Variants in MID1 observed in about 807,000 individuals in gnomAD.
MID1 encodes the protein midline 1.
A neutral mutation model predicts 40.4 loss-of-function variants in MID1; 7 were observed. The ratio of observed to expected loss-of-function variants is 0.17; its 90% CI spans 0.10 to 0.33. The LOEUF (loss-of-function observed/expected upper bound fraction) is 0.33. Ranked by LOEUF, MID1 falls within the 10% of genes least tolerant of loss-of-function variation. The pLI is 1.00. For synonymous variants in MID1, 229 were observed against 221.2 expected (o/e 1.04, Z -0.31); for missense variants, 367 against 558.5 (o/e 0.66, Z 3.46).
rs781232547 is a variant in MID1 at position 10,784,635 on chromosome X, G to A, written c.-187+48919C>T. Among the ~76,000 whole-genome samples, 8 of 108,668 alleles carry A rather than the reference G, an allele frequency of 7.4e-5. No individual in the cohort carries two copies. In the East Asian group the frequency reaches 1.7e-3, roughly 24 times the overall value. The allele number at this position is 108,668 out of a possible 115,157, so 94.4% of individuals were successfully genotyped here. ...TAATTTTTGTATTTTTAGTAGAGACGGGGTTTCACCATATTGACCAGGCTG... is the reference window on the plus strand; with the variant it reads ...TAATTTTTGTATTTTTAGTAGAGACAGGGTTTCACCATATTGACCAGGCTG... On this transcript the variant is annotated intron_variant, in intron 1 of 10. Coordinates refer to the MID1 transcript ENST00000380785.
intron 1 of MID1, among the ~76,000 whole-genome samples, chrX:10,707,247 A>T (rs539021645): frequency 5.3e-4 from 60 of 112,181 alleles, no homozygotes; most frequent in African/African-American, 1.7e-3. Flanking sequence ...CAACAATCTT[A>T]TGGCTCTGCC....
At chrX:10,712,289 C>T (rs1037044564) in intron 1 of MID1, among the ~76,000 whole-genome samples, 21 of 111,038 alleles carry the variant, frequency 1.9e-4, no homozygotes, top group African/African-American at 6.2e-4. Context: ...ACACCTGAGG[C>T]TGATGATCAG....
intron 1 of MID1, among the ~76,000 whole-genome samples, chrX:10,739,738 A>G (rs1367412042): frequency 8.9e-6 from 1 of 112,054 alleles, no homozygotes; most frequent in Admixed American, 9.5e-5. Context: ...GATTTTAAAA[A>G]TAACTGGGAA....
chrX:10,622,208 G>A (rs955005591), upstream of MID1, among the ~76,000 whole-genome samples: 4 of 110,165 alleles, frequency 3.6e-5, no homozygotes, highest in African/African-American at 1.3e-4. Context: ...GAAATATTGC[G>A]TCTATCCCAG....
chrX:10,733,380 C>T (rs1052960922), intron 1 of MID1, among the ~76,000 whole-genome samples: 1 of 111,789 alleles, frequency 8.9e-6, no homozygotes, highest in Admixed American at 9.5e-5. Context: ...AGGCAAACAT[C>T]TCACAACCAT....
In MID1 at chrX:10,712,987, C is replaced by T. The variant is rs1222339362; in HGVS notation, c.-186-92568G>A. Among the ~76,000 whole-genome samples, 7 of 111,093 alleles carry T rather than the reference C, an allele frequency of 6.3e-5. No homozygotes were observed. In the East Asian group the frequency reaches 2.0e-3, roughly 32 times the overall value. ...GAGTAGCTGGGGTTAAAGGCACGTG[C>T]CACCACACCCGGCTAATTTTTGTAT... On this transcript the variant is annotated intron_variant, in intron 1 of 10. Transcript: ENST00000380785.
intron 6 of MID1, among the ~76,000 whole-genome samples, chrX:10,473,236 T>C (rs1236491163): frequency 1.8e-5 from 2 of 112,863 alleles, no homozygotes; most frequent in Non-Finnish European, 3.7e-5. Flanking sequence ...GAAAGTTTTA[T>C]TGGATAGTGT....
chrX:10,818,132 G>A (rs2044152338), intron 1 of MID1, among the ~76,000 whole-genome samples: 1 of 112,175 alleles, frequency 8.9e-6, no homozygotes, highest in Admixed American at 9.4e-5. Flanking sequence ...TCTGATCCAA[G>A]AGTACATACA....
intron 6 of MID1, among the ~76,000 whole-genome samples, chrX:10,473,052 G>A (rs905724563): frequency 1.8e-5 from 2 of 112,733 alleles, no homozygotes; most frequent in Non-Finnish European, 3.7e-5. Flanking sequence ...GTCTAGACCT[G>A]CACTGTTCAA....
intron 1 of MID1, among the ~76,000 whole-genome samples, chrX:10,587,254 A>T (rs773695076): frequency 8.9e-5 from 10 of 112,902 alleles, no homozygotes. Flanking sequence ...AGTGCCCAGT[A>T]AAGGTCCACC....
At chrX:10,590,217 G>C (rs1935259776) in intron 1 of MID1, among the ~76,000 whole-genome samples, 3 of 111,716 alleles carry the variant, frequency 2.7e-5, no homozygotes, top group Non-Finnish European at 5.6e-5. Context: ...TTTCAGGTCT[G>C]GTTCCTTGGT....
At chrX:10,585,864 A>AT (rs1213677993) in intron 1 of MID1, among the ~76,000 whole-genome samples, 1 of 111,836 alleles carries the variant, frequency 8.9e-6, no homozygotes, top group East Asian at 2.8e-4. Context: ...ACCACATCCT[A>AT]TTTTTAACCT....
At chrX:10,786,570 A>G (rs1228400806) in intron 1 of MID1, among the ~76,000 whole-genome samples, 1 of 111,082 alleles carries the variant, frequency 9.0e-6, no homozygotes, top group Non-Finnish European at 1.9e-5. Flanking sequence ...AACCAACCCA[A>G]ATGTGCAACA....
intron 1 of MID1, among the ~76,000 whole-genome samples, chrX:10,730,564 CT>C (rs1188069622): frequency 0.021 from 1,674 of 78,058 alleles, 49 homozygotes; most frequent in African/African-American, 0.084. Flanking sequence ...TCAGATACAT[CT>C]TTTTTTTTTT....
At chrX:10,749,174 T>C (rs2043582063) in intron 1 of MID1, among the ~76,000 whole-genome samples, 1 of 110,931 alleles carries the variant, frequency 9.0e-6, no homozygotes, top group South Asian at 3.8e-4. Context: ...TGACAAGACC[T>C]AAAAGAGTTT....
rs950328619 is a variant in MID1 at position 10,555,392 on chromosome X, C to T, written c.660+11496G>A. ...TTAGGCAATTTCCAGATATCAACAC[C>T]GAAGTCAGTGGTTTTTTATTATTAT... On this transcript the variant is annotated intron_variant, in intron 2 of 9. Coordinates refer to ENST00000317552, the MANE Select transcript of MID1 (RefSeq NM_000381.4). Among the ~76,000 whole-genome samples the T allele has an allele frequency of 1.3e-4, 14 of 111,634 alleles. No homozygotes were observed. The South Asian group carries it at 1.9e-3, about 15-fold the overall frequency.
At chrX:10,566,508 TCTCCCTCTCTCTCCCTCTCTCTCC>T (rs1419219948) in intron 2 of MID1, among the ~76,000 whole-genome samples, 10 of 43,525 alleles carry the variant, frequency 2.3e-4, no homozygotes, top group African/African-American at 6.0e-4. Context: ...TCTCTCTCTC[TCTCCCTCTCTCTCCCTCTCTCTCC>T]CTCTCTCTCT....
chrX:10,803,690 G>A (rs2044025211), intron 1 of MID1, among the ~76,000 whole-genome samples: 1 of 111,446 alleles, frequency 9.0e-6, no homozygotes, highest in Non-Finnish European at 1.9e-5. Context: ...ATTGTCTTTA[G>A]TTTTCTGTAG....
At chrX:10,781,981 C>G (rs746713474) in intron 1 of MID1, among the ~76,000 whole-genome samples, 7 of 111,769 alleles carry the variant, frequency 6.3e-5, no homozygotes, top group Non-Finnish European at 1.1e-4. Flanking sequence ...GTCACTCACC[C>G]ATCAGGATGC....
Sources: allele counts gnomAD v4.1 joint callset (sites outside exome capture counted in the v4.1 genomes callset), GRCh38; gene constraint gnomAD v4.1.1; transcripts MANE v1.5; gene names NCBI Gene and HGNC (gene_info 2026-07-23, HGNC 2026-07-21).